The following PLEKHH2 variants were observed in gnomAD, a reference collection of about 807,000 sequenced individuals.
PLEKHH2 encodes the protein pleckstrin homology, MyTH4 and FERM domain containing H2, also known as pleckstrin homology domain-containing family H member 2.
PLEKHH2 carries 129 observed loss-of-function variants against 187.9 expected under a neutral mutation model. That is an observed-to-expected ratio of 0.69 (90% CI 0.59 to 0.79). PLEKHH2 has a LOEUF of 0.79. Among genes scored for constraint, PLEKHH2 ranks in the 30% least tolerant of loss-of-function variants. The pLI is 0.00. For synonymous variants in PLEKHH2, 686 were observed against 605.6 expected, an observed-to-expected ratio of 1.13 and a Z score of -1.95; for missense variants, 2,076 against 1,751.2, an observed-to-expected ratio of 1.19 and a Z score of -3.31.
At chr2:43,719,059 C>T (rs1350143334) in intron 15 of PLEKHH2, among the ~76,000 whole-genome samples, 1 of 152,168 alleles carries the variant, frequency 6.6e-6, no homozygotes, top group South Asian at 2.1e-4. Context: ...CCTTTATTTA[C>T]ATTTTCTCAT....
rs1329525450 is a variant in PLEKHH2 at position 43,766,238 on chromosome 2, A to G, written c.*640A>G. On this transcript the variant is annotated 3_prime_UTR_variant, in exon 30 of 30. Transcript: ENST00000282406. The stretch of plus-strand genomic sequence containing the variant: ...AAGTATACCGTCACCTTTTCACATC[A>G]CTGGAGTGTAAAATTTAAAACAAGA... The G allele has an allele frequency of 2.0e-5, 3 of 152,756 alleles. No individual in the cohort carries two copies. The highest frequency in any genetic ancestry group is 7.2e-5 in the African/African-American group (3 of 41,446). 9.5% of individuals were successfully genotyped at this position (152,756 alleles called of 1,614,324 possible).
At chr2:43,639,079 A>G (rs1486063875) in intron 1 of PLEKHH2, among the ~76,000 whole-genome samples, 2 of 152,236 alleles carry the variant, frequency 1.3e-5, no homozygotes, top group African/African-American at 2.4e-5. Flanking sequence ...AGATATATGT[A>G]TGATACTTTT....
Position 43,700,093 on chromosome 2 carries a change from C to G in PLEKHH2, c.1135C>G (p.Gln379Glu), listed in dbSNP as rs371379253. Residue 379 changes from glutamine (Q) to glutamate (E), a missense_variant, in exon 8 of 30, where the codon CAA becomes GAA. Gln to Glu is a conservative substitution (Grantham distance 29). Coordinates refer to ENST00000282406, the MANE Select transcript of PLEKHH2 (RefSeq NM_172069.4). ...AAATTCTGAATTAAGTAAAAAGGAA[C>G]AAGATAGTTCCTCGGATGAACTGAA... ...KGNSELSKKE[Q>E]DSSSDELNKK... The G allele has an allele frequency of 1.2e-5, 19 of 1,613,986 alleles. No homozygotes were observed. The highest frequency in any genetic ancestry group is 1.3e-5 in the African/African-American group (1 of 74,900).
intron 9 of PLEKHH2, among the ~76,000 whole-genome samples, chr2:43,706,025 G>A (rs1040970545): frequency 6.6e-5 from 10 of 152,172 alleles, no homozygotes; most frequent in Admixed American, 6.5e-4. Context: ...GTTCTGCCCA[G>A]CCTGAGCAAA....
chr2:43,729,576 G>A, intron 17 of PLEKHH2, 61 bp from the exon 18 acceptor site: 11 of 1,142,522 alleles, frequency 9.6e-6, no homozygotes, highest in Non-Finnish European at 1.3e-5. Context: ...TATGCAAGTT[G>A]TTTTTTTTTC....
At chr2:43,709,667 C>G (rs1343150134) in intron 11 of PLEKHH2, among the ~76,000 whole-genome samples, 1 of 152,172 alleles carries the variant, frequency 6.6e-6, no homozygotes, top group East Asian at 1.9e-4. Flanking sequence ...GAAACCCCAT[C>G]TCTACTAAAG....
chr2:43,701,668 T>A (rs539176335), intron 8 of PLEKHH2, among the ~76,000 whole-genome samples: 1 of 150,542 alleles, frequency 6.6e-6, no homozygotes, highest in East Asian at 1.9e-4. Context: ...TCTTCTTCCA[T>A]TGAAACATTG....
At chr2:43,658,487 A>G (rs1574489469) in intron 2 of PLEKHH2, among the ~76,000 whole-genome samples, 1 of 152,258 alleles carries the variant, frequency 6.6e-6, no homozygotes, top group African/African-American at 2.4e-5. Context: ...TTTGGAAGCA[A>G]CTTAGCTTAT....
chr2:43,655,993 G>A (rs1241814203), intron 2 of PLEKHH2, among the ~76,000 whole-genome samples: 2 of 149,978 alleles, frequency 1.3e-5, no homozygotes, highest in Non-Finnish European at 3.0e-5. Context: ...GAGTCTCGCT[G>A]TATTGCCCAG....
chr2:43,725,562 A>T (rs1043623801), intron 16 of PLEKHH2, among the ~76,000 whole-genome samples: 2 of 152,294 alleles, frequency 1.3e-5, no homozygotes, highest in South Asian at 4.1e-4. Context: ...CTGCGTTTTT[A>T]AAAAGGAAAG....
At chr2:43,736,490 C>T (rs1179436019) in intron 19 of PLEKHH2, among the ~76,000 whole-genome samples, 2 of 152,124 alleles carry the variant, frequency 1.3e-5, no homozygotes, top group African/African-American at 4.8e-5. Flanking sequence ...TGGCAGTCTT[C>T]CTGAGTCACG....
chr2:43,673,634 T>C (rs1667591783), intron 2 of PLEKHH2, among the ~76,000 whole-genome samples: 2 of 152,210 alleles, frequency 1.3e-5, no homozygotes, highest in Admixed American at 6.5e-5. Context: ...AAAATTTCTA[T>C]GTAACTATTC....
chr2:43,753,515 A>G, intron 24 of PLEKHH2, 104 bp from the exon 25 acceptor site: 1 of 833,100 alleles, frequency 1.2e-6, no homozygotes, highest in Non-Finnish European at 1.7e-6. Context: ...TACCACTTAG[A>G]GTACTGTGTT....
intron 22 of PLEKHH2, among the ~76,000 whole-genome samples, chr2:43,743,605 G>C (rs1671661056): frequency 1.3e-5 from 2 of 152,000 alleles, no homozygotes; most frequent in Admixed American, 1.3e-4. Context: ...ATTCTATTTT[G>C]GATTCATGTC....
At chr2:43,677,771 G>C (rs919140056) in intron 2 of PLEKHH2, among the ~76,000 whole-genome samples, 1 of 151,154 alleles carries the variant, frequency 6.6e-6, no homozygotes, top group African/African-American at 2.4e-5. Context: ...CCCAGTAGGG[G>C]TGGCTGGGCA....
rs762457351 is a variant in PLEKHH2, at chr2:43,738,524, G to T, written c.3123+4G>T. On this transcript the variant is annotated splice_donor_region_variant and intron_variant, in intron 20 of 29. Coordinates refer to ENST00000282406, the MANE Select transcript of PLEKHH2 (RefSeq NM_172069.4). ...GAATCAACCAGGACCATTGCAGGTAGATATTAATATTGATACATATACATG... is the reference window on the plus strand; with the variant it reads ...GAATCAACCAGGACCATTGCAGGTATATATTAATATTGATACATATACATG... 5 of 1,601,038 alleles carry T rather than the reference G, an allele frequency of 3.1e-6. No individual in the cohort carries two copies. The South Asian group carries it at 5.6e-5, about 18-fold the overall frequency.
Position 43,697,272 on chromosome 2 carries a change from A to G in PLEKHH2, c.604A>G (p.Ser202Gly). Residue 202 changes from serine to glycine, a missense_variant, in exon 7 of 30, where the codon AGT (serine) becomes GGT (glycine). Ser to Gly is a moderately conservative substitution (Grantham distance 56). Coordinates refer to ENST00000282406, the MANE Select transcript of PLEKHH2 (RefSeq NM_172069.4). ...TGGGTGCTTTTTATCTCGAGCAAGGAGTCCTCCTCAAGTAGTAAAATCTGA... is the reference window on the plus strand; with the variant it reads ...TGGGTGCTTTTTATCTCGAGCAAGGGGTCCTCCTCAAGTAGTAAAATCTGA... ...TFGCFLSRAR[S>G]PPQVVKSEEM... The G allele has an allele frequency of 6.2e-7, 1 of 1,613,884 alleles. No individual in the cohort carries two copies. The highest frequency in any genetic ancestry group is 1.3e-5 in the African/African-American group (1 of 75,042).
chr2:43,731,648 T>A, intron 19 of PLEKHH2, 46 bp downstream of exon 19: 1 of 1,210,522 alleles, frequency 8.3e-7, no homozygotes, highest in Non-Finnish European at 1.1e-6. Context: ...AAAATACTTA[T>A]ATGTTGTTAA....
intron 2 of PLEKHH2, chr2:43,658,968 T>G (rs1273590660): frequency 7.5e-6 from 1 of 133,846 alleles, no homozygotes; most frequent in Non-Finnish European, 1.6e-5. Context: ...GACTTTTTTT[T>G]CTTTCTTTTT....
Sources: allele counts gnomAD v4.1 joint callset (sites outside exome capture counted in the v4.1 genomes callset), GRCh38; gene constraint gnomAD v4.1.1; transcripts MANE v1.5; gene names NCBI Gene and HGNC (gene_info 2026-07-23, HGNC 2026-07-21).